TTN: variants seen among roughly 807,000 people sequenced by gnomAD.
TTN encodes the protein connectin.
TTN carries 1,525 observed loss-of-function variants against 3,223.0 expected under a neutral mutation model. That is an observed-to-expected ratio of 0.47 (90% CI 0.45 to 0.49). The LOEUF (loss-of-function observed/expected upper bound fraction) is 0.49, where lower values mean the gene tolerates loss of function less well. TTN is among the 20% of genes least tolerant of loss of function. The probability of loss-of-function intolerance (pLI) is 0.00; values close to 1 mark genes in which losing one functional copy is unlikely to be tolerated. For synonymous variants in TTN, 14,094 were observed against 15,161.0 expected (o/e 0.93, Z 5.17); for missense variants, 40,786 against 43,424.0 (o/e 0.94, Z 5.40).
Position 178,546,009 on chromosome 2 carries a change from A to G in TTN, c.95227T>C (p.Tyr31743His). 2 of 1,613,826 alleles carry G rather than the reference A, an allele frequency of 1.2e-6. No homozygotes were observed. Among genetic ancestry groups the G allele is most frequent in the Non-Finnish European group, 8.5e-7 (1 of 1,179,790 alleles). The change falls in exon 343 of 363, where the codon TAC becomes CAC. Residue 31743 changes from tyrosine (Y) to histidine (H), a missense_variant. By Grantham distance (83) the Tyr-to-His change is moderately conservative. Transcript: ENST00000589042. ...QEDGGAEITH[Y>H]IVERRETSRL... is the part of the protein sequence containing the mutation. ...CTAGTCTCGCGTCTTTCCACGATGT[A>G]GTGAGTGATTTCTGCTCCTCCGTCT...
rs748806316 is a variant in TTN, at chr2:178,547,579, A to G, written c.94047T>C (p.Arg31349=). 15 of 1,613,764 alleles carry G rather than the reference A, an allele frequency of 9.3e-6. No individual in the cohort carries two copies. Among genetic ancestry groups the G allele is most frequent in the Non-Finnish European group, 1.3e-5 (15 of 1,179,826 alleles). The change falls in exon 339 of 363, where the codon CGT becomes CGC. Residue 31349 remains arginine (R), a synonymous_variant. Transcript: ENST00000589042. The part of the protein sequence containing the change: ...TEITNYIVEK[R]ESGTTAWQLV... The stretch of plus-strand genomic sequence containing the variant: ...GCTGCCAAGCTGTTGTACCCGATTC[A>G]CGCTTTTCAACTATGTAATTAGTAA...
At chr2:178,663,764 A>T (rs1290542617) in intron 170 of TTN, 54 bp from the exon 171 acceptor site, 2 of 1,612,306 alleles carry the variant, frequency 1.2e-6, no homozygotes, top group Non-Finnish European at 8.5e-7. Context: ...CACTGGAAAA[A>T]ATATCTTCAA....
rs767481574 is a variant in TTN, at chr2:178,611,130, C to T, written c.50999G>A (p.Arg17000Lys). The change falls in exon 270 of 363, where the codon AGA (arginine) becomes AAA (lysine). Residue 17000 changes from arginine (R) to lysine (K), a missense_variant. Transcript: ENST00000589042. ...GATGTGATCATTCTTCATTGTTAATCTATCACTTGCTTTAACTTCTTTGCC... is the reference window on the plus strand; with the variant it reads ...GATGTGATCATTCTTCATTGTTAATTTATCACTTGCTTTAACTTCTTTGCC... ...KDGKEVKASD[R>K]LTMKNDHISA... The T allele has an allele frequency of 5.1e-5, 83 of 1,612,734 alleles. No homozygotes were observed. The East Asian group carries it at 1.8e-3, about 36-fold the overall frequency.
rs1338895544 is a variant in TTN, at chr2:178,711,204, G to T, written c.28032C>A (p.Ser9344Arg). ...CTAAAAATGATGTTTGTACATTTGG[G>T]CTGTCTTTCAATGGCTTGCCGTCTT... ...WYKDGKPLKD[S>R]PNVQTSFLDN... Residue 9344 changes from serine (S) to arginine (R), a missense_variant, in exon 97 of 363, where the codon AGC becomes AGA. Physicochemically the swap from Ser to Arg is moderately radical, Grantham distance 110. Transcript: ENST00000589042. 6.2e-7 allele frequency: 1 copy of T among 1,613,814 alleles called. No homozygotes were observed. The highest frequency in any genetic ancestry group is 1.7e-5 in the Admixed American group (1 of 60,002).
chr2:178,616,508 G>A lies in TTN; in HGVS notation c.48283C>T (p.Arg16095Ter), dbSNP rs374140736. ...GTCCATGTTTTCCGGCTGACTTCTC[G>A]TTTTTCAACAACGTATCCAGTTAAC... ...SPLTGYVVEK[R>*]EVSRKTWTKV... is the part of the protein sequence containing the mutation. Residue 16095 changes from arginine (R) to a stop codon, truncating the protein, a stop_gained, in exon 257 of 363, where the codon CGA becomes TGA. Transcript: ENST00000589042. LOFTEE classifies it high-confidence loss of function. 1.9e-6 allele frequency: 3 copies of A among 1,612,002 alleles called. No individual in the cohort carries two copies. The highest frequency in any genetic ancestry group is 2.5e-6 in the Non-Finnish European group (3 of 1,178,812).
rs797046068 is a variant in TTN, at chr2:178,535,002, C to T, written c.101613G>A (p.Arg33871=). 6.2e-7 allele frequency: 1 copy of T among 1,613,794 alleles called. No individual in the cohort carries two copies. The highest frequency in any genetic ancestry group is 1.1e-5 in the South Asian group (1 of 91,084). ...CATGGAGGTGTAAGATGTTTCTATG[C>T]CTAGCAATATTCAGAATGGAAATTT... ...KKEISILNIA[R]HRNILHLHES... Residue 33871 remains arginine, a synonymous_variant, in exon 358 of 363, where the codon AGG becomes AGA. Coordinates refer to ENST00000589042, the MANE Select transcript of TTN (RefSeq NM_001267550.2).
At chr2:178,668,588 C>T (rs926935111) in intron 159 of TTN, among the ~76,000 whole-genome samples, 11 of 151,698 alleles carry the variant, frequency 7.3e-5, no homozygotes, top group African/African-American at 1.5e-4. Flanking sequence ...CAAAATTAGC[C>T]GGGCCTGGTG....
At chr2:178,761,420 A>G (rs1205209402) in intron 43 of TTN, among the ~76,000 whole-genome samples, 2 of 152,220 alleles carry the variant, frequency 1.3e-5, no homozygotes, top group African/African-American at 4.8e-5. Context: ...CCTTTGCTGT[A>G]TTATCCAGCC....
rs879243952 is a variant in TTN at position 178,780,160 on chromosome 2, T to C, written c.3569A>G (p.Gln1190Arg). The C allele has an allele frequency of 7.4e-6, 12 of 1,613,796 alleles. No homozygotes were observed. The highest frequency in any genetic ancestry group is 1.3e-5 in the African/African-American group (1 of 74,918). The change falls in exon 22 of 363, where the codon CAG becomes CGG. Residue 1190 changes from glutamine (Q) to arginine (R), a missense_variant. By Grantham distance (43) the Gln-to-Arg change is conservative. Transcript: ENST00000589042. Reference sequence around the variant, plus strand: ...TTGAACAAATGCAGTCACTTGTGTCTGATAAAGCATTTCTTGCTGGGACTT... The same window carrying C: ...TTGAACAAATGCAGTCACTTGTGTCCGATAAAGCATTTCTTGCTGGGACTT... ...LMKSQQEMLYQTQVTAFVQEP... is the reference protein window; with the variant it reads ...LMKSQQEMLYRTQVTAFVQEP...
chr2:178,627,761 A>G lies in TTN; in HGVS notation c.44424+1540T>C, dbSNP rs139260575. ...TATTAGAACTGAGACTGATCTTTTA[A>G]TAAGAAGCTCTTACTATGACAAAAA... On this transcript the variant is annotated intron_variant, in intron 240 of 362. Transcript: ENST00000589042. Among the ~76,000 whole-genome samples, 51 of 152,160 alleles carry G rather than the reference A, an allele frequency of 3.4e-4. No homozygotes were observed. In the East Asian group the frequency reaches 9.3e-3, roughly 28 times the overall value.
At position 178,770,679 on chromosome 2, in the gene TTN, A is replaced by G. The variant is rs2154342961; in HGVS notation, c.8117-4T>C. The G allele has an allele frequency of 1.9e-6, 3 of 1,609,950 alleles. No individual in the cohort carries two copies. The South Asian group carries it at 3.3e-5, about 18-fold the overall frequency. On this transcript the variant is annotated splice_polypyrimidine_tract_variant and splice_region_variant and intron_variant, in intron 34 of 362. Coordinates refer to ENST00000589042, the MANE Select transcript of TTN (RefSeq NM_001267550.2). The stretch of plus-strand genomic sequence containing the variant: ...AGAGTCTTCTTAATTTTGACAGCTA[A>G]AGACAAATTTATGATTGGGTTAGAA...
chr2:178,569,967 C>A lies in TTN; in HGVS notation c.76165G>T (p.Glu25389Ter). 6.2e-7 allele frequency: 1 copy of A among 1,612,030 alleles called. No homozygotes were observed. The highest frequency in any genetic ancestry group is 8.5e-7 in the Non-Finnish European group (1 of 1,178,752). Residue 25389 changes from glutamate to a stop codon, truncating the protein, a stop_gained, in exon 326 of 363, where the codon GAA (glutamate) becomes TAA (stop). Coordinates refer to ENST00000589042, the MANE Select transcript of TTN (RefSeq NM_001267550.2). LOFTEE classifies it high-confidence loss of function. The part of the protein sequence containing the change: ...VSAENAAGLS[E>*]PSPPSAYQKA... ...TGGTAAGCAGAAGGAGGGCTTGGTT[C>A]ACTAAGTCCAGCAGCATTCTCAGCA...
chr2:178,551,395 TC>T, intron 335 of TTN, 135 bp from the exon 336 acceptor site: 1 of 749,032 alleles, frequency 1.3e-6, no homozygotes, highest in Non-Finnish European at 1.9e-6. Flanking sequence ...TTATTCAATC[TC>T]CCAAACTCAT....
chr2:178,751,429 T>A, intron 47 of TTN: 13 of 1,612,330 alleles, frequency 8.1e-6, no homozygotes, highest in Non-Finnish European at 1.1e-5. Context: ...TCTTAAAATG[T>A]ATAGTTCTCA....
chr2:178,781,905 A>AGTGTGTGGTGT (rs1554016409), intron 20 of TTN, among the ~76,000 whole-genome samples: 1 of 149,758 alleles, frequency 6.7e-6, no homozygotes, highest in Non-Finnish European at 1.5e-5. Flanking sequence ...CTTTTCTGGA[A>AGTGTGTGGTGT]GTGTGTGTGT....
In TTN at chr2:178,532,670, GGT is replaced by G. The variant is rs778443775; in HGVS notation, c.103943_103944del (p.Tyr34648SerfsTer3). 27 of 1,613,820 alleles carry G rather than the reference GGT, an allele frequency of 1.7e-5. No homozygotes were observed. The African/African-American group carries it at 3.3e-4, about 20-fold the overall frequency. On this transcript the variant is annotated frameshift_variant, in exon 358 of 363. Transcript: ENST00000589042. LOFTEE classifies it high-confidence loss of function. ...TCCCCAAGAGAACGTCTTCTAGGTC[GGT>G]AGTAAAAGTCATAATCAGGAGAAGG... ...RTPSPDYDFYYRPRRRSLGDI... is the reference protein window; with the variant it reads ...RTPSPDYDFYXRPRRRSLGDI...
chr2:178,734,166 C>T (rs550824914), intron 52 of TTN, among the ~76,000 whole-genome samples, 162 bp downstream of exon 52: 124 of 151,150 alleles, frequency 8.2e-4, no homozygotes, highest in African/African-American at 2.9e-3. Context: ...GGAAAAAGAC[C>T]AGGTGAAAGT....
Position 178,653,116 on chromosome 2 carries a change from C to A in TTN, c.38800G>T (p.Ala12934Ser). The A allele has an allele frequency of 6.2e-7, 1 of 1,612,606 alleles. No homozygotes were observed. The highest frequency in any genetic ancestry group is 8.5e-7 in the Non-Finnish European group (1 of 1,179,356). Residue 12934 changes from alanine (A) to serine (S), a missense_variant, in exon 199 of 363, where the codon GCT (alanine) becomes TCT (serine). Transcript: ENST00000589042. ...PEVPPVKVPE[A>S]PKEVVPEKKV... is the part of the protein sequence containing the mutation. ...TTTTCAGGAACAACTTCTTTGGGAG[C>A]CTCTGGCACTTAAAAGATATTAGGT...
rs1560901044 is a variant in TTN, at chr2:178,739,958, CA to C, written c.13274del (p.Val4425GlyfsTer6). On this transcript the variant is annotated frameshift_variant, in exon 48 of 363. Transcript: ENST00000589042. LOFTEE classifies it high-confidence loss of function. ...GGGTGATGTTTACAGCCTCGACCTC[CA>C]CCTTTTCAATATTTCTTAGCCACTC... ...FSEWLRNIEK[V>X]EVEAVNITQE... 2 of 1,613,764 alleles carry C rather than the reference CA, an allele frequency of 1.2e-6. No individual in the cohort carries two copies. The highest frequency in any genetic ancestry group is 1.7e-6 in the Non-Finnish European group (2 of 1,179,836).
Sources: allele counts gnomAD v4.1 joint callset (sites outside exome capture counted in the v4.1 genomes callset), GRCh38; gene constraint gnomAD v4.1.1; transcripts MANE v1.5; gene names NCBI Gene and HGNC (gene_info 2026-07-23, HGNC 2026-07-21).